NDRG4: variants seen among roughly 807,000 people sequenced by gnomAD.
NDRG4 encodes NDRG family member 4.
A neutral mutation model predicts 55.8 loss-of-function variants in NDRG4; 38 were observed. The observed-to-expected ratio is 0.68, with a 90% confidence interval of 0.53 to 0.89. The LOEUF (loss-of-function observed/expected upper bound fraction) is 0.89, where lower values mean the gene tolerates loss of function less well. NDRG4 is among the 40% of genes least tolerant of loss of function. NDRG4 has a pLI of 0.00. For synonymous variants in NDRG4, 190 were observed against 182.7 expected (o/e 1.04, Z -0.32); for missense variants, 455 against 468.6 (o/e 0.97, Z 0.27).
intron 1 of NDRG4, among the ~76,000 whole-genome samples, chr16:58,475,025 G>A (rs936537117): frequency 6.6e-6 from 1 of 152,174 alleles, no homozygotes; most frequent in African/African-American, 2.4e-5. Context: ...GGGGCTTTCC[G>A]TGACAAAAAT....
chr16:58,483,151 C>T (rs1191326238), intron 1 of NDRG4, among the ~76,000 whole-genome samples: 1 of 152,150 alleles, frequency 6.6e-6, no homozygotes. Context: ...CCCGATTCAG[C>T]AATTGCTTTT....
intron 1 of NDRG4, chr16:58,465,243 T>C (rs774573477): frequency 3.4e-6 from 2 of 589,298 alleles, no homozygotes; most frequent in South Asian, 1.5e-5. Flanking sequence ...CCAGTAAGTG[T>C]CCTCCGACAC....
chr16:58,506,694 G>A (rs1267702090), intron 7 of NDRG4, 80 bp downstream of exon 7: 2 of 1,477,722 alleles, frequency 1.4e-6, no homozygotes, highest in Admixed American at 4.2e-5. Flanking sequence ...GCAGGCGGGT[G>A]TCTTTGGCAT....
In NDRG4 at chr16:58,506,945, A is replaced by G. The variant is rs2038114237; in HGVS notation, c.550A>G (p.Ser184Gly). 3 of 1,614,110 alleles carry G rather than the reference A, an allele frequency of 1.9e-6. No individual in the cohort carries two copies. The highest frequency in any genetic ancestry group is 2.5e-6 in the Non-Finnish European group (3 of 1,180,014). ...GGTGAACAACACAGAGTTGGTGCAGAGCTACCGGCAGCAGATTGGGAACGT... is the reference window on the plus strand; with the variant it reads ...GGTGAACAACACAGAGTTGGTGCAGGGCTACCGGCAGCAGATTGGGAACGT... Reference protein sequence around the residue: ...ELVNNTELVQSYRQQIGNVVN... With the variant: ...ELVNNTELVQGYRQQIGNVVN... Residue 184 changes from serine (S) to glycine (G), a missense_variant, in exon 8 of 15, where the codon AGC becomes GGC. Transcript: ENST00000570248.
chr16:58,502,764 C>G (rs78506199), intron 1 of NDRG4, among the ~76,000 whole-genome samples: 1 of 152,216 alleles, frequency 6.6e-6, no homozygotes, highest in Admixed American at 6.5e-5. Context: ...CCACCTCCAA[C>G]TCACTGGGCC....
intron 14 of NDRG4, 118 bp from the exon 15 acceptor site, chr16:58,511,304 A>G: frequency 8.5e-7 from 1 of 1,171,400 alleles, no homozygotes; most frequent in South Asian, 1.5e-5. Context: ...ACTCAGGAGG[A>G]GCCCTTTGTG....
chr16:58,477,169 T>C (rs1326340935), intron 1 of NDRG4, among the ~76,000 whole-genome samples: 1 of 151,478 alleles, frequency 6.6e-6, no homozygotes, highest in East Asian at 1.9e-4. Context: ...GTGATATATA[T>C]ATATATATGT....
Position 58,511,440 on chromosome 16 carries a change from C to T in NDRG4, c.923C>T (p.Thr308Ile). ...TCCACAGTGCCCTCAGCCAGCATGA[C>T]CCGCCTGGCACGCTCCCGCACTGCA... ...SGGAVPSASM[T>I]RLARSRTASL... The change falls in exon 15 of 15, where the codon ACC becomes ATC. Residue 308 changes from threonine to isoleucine, a missense_variant. Coordinates refer to ENST00000570248, the MANE Select transcript of NDRG4 (RefSeq NM_001242835.2). 6.2e-7 allele frequency: 1 copy of T among 1,607,812 alleles called. No homozygotes were observed. The highest frequency in any genetic ancestry group is 8.5e-7 in the Non-Finnish European group (1 of 1,176,464).
chr16:58,475,549 G>A (rs2033497598), intron 1 of NDRG4: 51 of 452,762 alleles, frequency 1.1e-4, no homozygotes, highest in South Asian at 7.8e-4. Flanking sequence ...TCAGCTGTGT[G>A]TAACAGAAAA....
chr16:58,480,352 C>T lies in NDRG4; in HGVS notation c.-23-7404C>T, dbSNP rs1177241868. On this transcript the variant is annotated intron_variant, in intron 1 of 15. Coordinates refer to the NDRG4 transcript ENST00000258187. Reference sequence around the variant, plus strand: ...GCCAGGCTGGTCTCAAACTCCTGACCTCAAGTGATCTGCCTGCCTTGGCCT... The same window carrying T: ...GCCAGGCTGGTCTCAAACTCCTGACTTCAAGTGATCTGCCTGCCTTGGCCT... Among the ~76,000 whole-genome samples, 5 of 152,148 alleles carry T rather than the reference C, an allele frequency of 3.3e-5. No homozygotes were observed. In the South Asian group the frequency reaches 1.0e-3, roughly 31 times the overall value.
At chr16:58,503,091 G>A (rs2037372815) in intron 1 of NDRG4, among the ~76,000 whole-genome samples, 1 of 152,236 alleles carries the variant, frequency 6.6e-6, no homozygotes, top group Non-Finnish European at 1.5e-5. Flanking sequence ...GTAAGGGGTA[G>A]AACCAGGTCT....
Position 58,464,428 on chromosome 16 carries a change from G to T in NDRG4, c.-24+631G>T. The stretch of plus-strand genomic sequence containing the variant: ...CCAGAGCCGGGCCGCGCCGGGCGCC[G>T]AGATGAAGGTGCTGGGACACCGGCT... On this transcript the variant is annotated intron_variant, in intron 1 of 15. Coordinates refer to the NDRG4 transcript ENST00000258187. The surrounding 1 kb of genome is among the most constrained non-coding windows in gnomAD (Gnocchi z 4.8). The T allele has an allele frequency of 7.3e-7, 1 of 1,366,454 alleles. No homozygotes were observed. 84.6% of individuals were successfully genotyped at this position (1,366,454 alleles called of 1,614,324 possible).
At chr16:58,480,284 C>T (rs2034236424) in intron 1 of NDRG4, among the ~76,000 whole-genome samples, 1 of 152,192 alleles carries the variant, frequency 6.6e-6, no homozygotes, top group African/African-American at 2.4e-5. Context: ...CCACGCCCGG[C>T]TAATTTTTGA....
At chr16:58,485,927 G>A (rs1032355963) in intron 1 of NDRG4, among the ~76,000 whole-genome samples, 1 of 152,082 alleles carries the variant, frequency 6.6e-6, no homozygotes, top group Non-Finnish European at 1.5e-5. Flanking sequence ...AATTCTTATA[G>A]ATAAATTATT....
At chr16:58,510,323 C>T (rs2038637134) in intron 13 of NDRG4, among the ~76,000 whole-genome samples, 1 of 152,224 alleles carries the variant, frequency 6.6e-6, no homozygotes, top group Non-Finnish European at 1.5e-5. Context: ...CACCAGGCAG[C>T]CCCAAGCTGG....
Position 58,507,019 on chromosome 16 carries a change from C to T in NDRG4, c.620+4C>T, listed in dbSNP as rs775296409. The T allele has an allele frequency of 7.5e-6, 12 of 1,610,540 alleles. No individual in the cohort carries two copies. Among genetic ancestry groups the T allele is most frequent in the African/African-American group, 1.3e-5 (1 of 75,012 alleles). On this transcript the variant is annotated splice_donor_region_variant and intron_variant, in intron 8 of 14. Transcript: ENST00000570248. ...TCTTCTGGAACATGTACAACAGGTG[C>T]GGGTGGGATCAGCAGCCCTGGGACC...
chr16:58,497,975 C>T (rs2036597730), upstream of NDRG4, among the ~76,000 whole-genome samples: 1 of 152,230 alleles, frequency 6.6e-6, no homozygotes, highest in South Asian at 2.1e-4. Flanking sequence ...AAAATCTTGC[C>T]CAAGGTCACC....
At chr16:58,468,821 G>C (rs754697405) in intron 1 of NDRG4, among the ~76,000 whole-genome samples, 1 of 152,196 alleles carries the variant, frequency 6.6e-6, no homozygotes, top group Non-Finnish European at 1.5e-5. Flanking sequence ...CAGATTCCTG[G>C]TGCCTTCGGT....
rs2031077214 is a variant in NDRG4, at chr16:58,464,064, A to ACC, written c.-24+268_-24+269dup. ...CCCCAGCCGCCGTCCGCGACCCCCC[A>ACC]CCGCGACGCCCGGAGGCGGCGGGGT... On this transcript the variant is annotated intron_variant, in intron 1 of 15. Transcript: ENST00000258187. This position sits in a 1 kb window ranked among gnomAD's most constrained non-coding sequence, Gnocchi z 4.8. The ACC allele has an allele frequency of 4.9e-6, 1 of 206,026 alleles. No individual in the cohort carries two copies. Among genetic ancestry groups the ACC allele is most frequent in the Non-Finnish European group, 9.6e-6 (1 of 104,268 alleles). The allele number at this position is 206,026 out of a possible 1,614,324, so 12.8% of individuals were successfully genotyped here. A position where few individuals can be genotyped will look rare whatever the true frequency, so the allele number is the denominator to read the frequency against.
Sources: gnomAD v4.1 joint callset for allele counts (sites outside exome capture counted in the v4.1 genomes callset) on GRCh38, gnomAD v4.1.1 for gene constraint, Gnocchi (gnomAD v3.1) non-coding constraint, MANE v1.5 for transcripts, NCBI Gene and HGNC (gene_info 2026-07-23, HGNC 2026-07-21) for gene names.